Variants in NCOA1 observed in about 807,000 individuals in gnomAD.
The protein encoded by NCOA1 is nuclear receptor coactivator 1.
NCOA1 carries 35 observed loss-of-function variants against 150.9 expected under a neutral mutation model. The observed-to-expected ratio is 0.23, with a 90% CI of 0.18 to 0.31. The LOEUF is 0.31. NCOA1 is among the 10% of genes least tolerant of loss of function. The pLI is 1.00. For synonymous variants in NCOA1, 590 were observed against 630.0 expected (o/e 0.94, Z 0.95); for missense variants, 1,491 against 1,749.3 (o/e 0.85, Z 2.63).
At chr2:24,652,339 A>AT (rs1347190182) in intron 4 of NCOA1, among the ~76,000 whole-genome samples, 2 of 152,002 alleles carry the variant, frequency 1.3e-5, no homozygotes, top group East Asian at 1.9e-4. Flanking sequence ...TTTGAGAAAC[A>AT]TTTTTTTGGA....
intron 2 of NCOA1, among the ~76,000 whole-genome samples, chr2:24,569,144 T>A (rs540526611): frequency 1.3e-5 from 2 of 152,044 alleles, no homozygotes; most frequent in Non-Finnish European, 2.9e-5. Flanking sequence ...CATGATTTAG[T>A]GTTGAAGAAA....
chr2:24,597,436 C>T (rs1311332048), intron 3 of NCOA1, among the ~76,000 whole-genome samples: 1 of 151,854 alleles, frequency 6.6e-6, no homozygotes, highest in Non-Finnish European at 1.5e-5. Context: ...CTGGAGAATA[C>T]TGTATTGGCC....
chr2:24,709,767 G>A (rs1431225702), intron 13 of NCOA1, among the ~76,000 whole-genome samples: 1 of 152,166 alleles, frequency 6.6e-6, no homozygotes. Context: ...GCCAAAAACT[G>A]GAAGCAACCC....
At chr2:24,554,414 AAG>A (rs1238263534) in intron 1 of NCOA1, 1 of 152,132 alleles carries the variant, frequency 6.6e-6, no homozygotes, top group East Asian at 1.9e-4. Context: ...AGGCAAGAGA[AAG>A]AGAAAGGAAA....
chr2:24,569,614 G>A (rs1265675990), intron 2 of NCOA1, among the ~76,000 whole-genome samples: 1 of 118,034 alleles, frequency 8.5e-6, no homozygotes, highest in African/African-American at 3.3e-5. Flanking sequence ...GCTCAGGCCT[G>A]TAATCCTAGC....
At chr2:24,657,357 ATGAAGAAGGAAGAGACAATCT>A (rs1238150562) in intron 4 of NCOA1, among the ~76,000 whole-genome samples, 2 of 152,258 alleles carry the variant, frequency 1.3e-5, no homozygotes, top group East Asian at 1.9e-4. Context: ...GTATCTGGGA[ATGAAGAAGGAAGAGACAATCT>A]TGTTAAGGAA....
chr2:24,721,345 G>A (rs941369189), intron 14 of NCOA1, among the ~76,000 whole-genome samples: 1 of 152,026 alleles, frequency 6.6e-6, no homozygotes, highest in African/African-American at 2.4e-5. Context: ...CATTAAAGTT[G>A]CTTTCTTTCT....
At chr2:24,618,737 GT>G (rs1219890845) in intron 3 of NCOA1, among the ~76,000 whole-genome samples, 1 of 151,638 alleles carries the variant, frequency 6.6e-6, no homozygotes, top group Non-Finnish European at 1.5e-5. Flanking sequence ...TCAATAAACA[GT>G]TCATTGGTTT....
intron 3 of NCOA1, among the ~76,000 whole-genome samples, chr2:24,604,820 A>C (rs917260080): frequency 6.6e-6 from 1 of 152,176 alleles, no homozygotes; most frequent in Admixed American, 6.5e-5. Context: ...TTGCACTCAC[A>C]ACTTGGCTGA....
chr2:24,663,316 G>T (rs943312559), intron 5 of NCOA1, among the ~76,000 whole-genome samples: 2 of 152,046 alleles, frequency 1.3e-5, no homozygotes, highest in Non-Finnish European at 2.9e-5. Flanking sequence ...CTGAGTTCAT[G>T]TATCTTGTTC....
At chr2:24,516,435 G>T (rs1403271464) in intron 1 of NCOA1, among the ~76,000 whole-genome samples, 5 of 151,288 alleles carry the variant, frequency 3.3e-5, no homozygotes, top group Non-Finnish European at 5.9e-5. Context: ...CTCATGATCT[G>T]CTAGCCTCGG....
chr2:24,570,043 G>A (rs1468120369), intron 2 of NCOA1, among the ~76,000 whole-genome samples: 4 of 146,142 alleles, frequency 2.7e-5, no homozygotes, highest in African/African-American at 1.0e-4. Flanking sequence ...AGCTTTAAGT[G>A]GTATATACTT....
At chr2:24,671,837 T>C (rs1052046121) in intron 6 of NCOA1, among the ~76,000 whole-genome samples, 1 of 152,214 alleles carries the variant, frequency 6.6e-6, no homozygotes, top group Non-Finnish European at 1.5e-5. Context: ...GTGCTGGGAT[T>C]ACAGACGTGA....
intron 2 of NCOA1, among the ~76,000 whole-genome samples, chr2:24,572,451 G>T (rs1322706293): frequency 6.6e-6 from 1 of 152,124 alleles, no homozygotes; most frequent in East Asian, 1.9e-4. Flanking sequence ...TTAGCCAATT[G>T]CAAAGGACGT....
chr2:24,629,770 T>C (rs1401305958), intron 3 of NCOA1, among the ~76,000 whole-genome samples: 3 of 145,628 alleles, frequency 2.1e-5, no homozygotes, highest in Non-Finnish European at 4.5e-5. Flanking sequence ...TCAAACACTT[T>C]CATGTTGTTT....
At chr2:24,660,982 A>T (rs1490433892) in intron 5 of NCOA1, among the ~76,000 whole-genome samples, 1 of 151,748 alleles carries the variant, frequency 6.6e-6, no homozygotes, top group Non-Finnish European at 1.5e-5. Context: ...AATCACTTGA[A>T]CCCGGGAGGT....
At position 24,607,189 on chromosome 2, in the gene NCOA1, GT is replaced by G. The variant is rs397976699; in HGVS notation, c.-175+22643del. 9.3e-3 allele frequency among the ~76,000 whole-genome samples: 1,303 copies of G among 139,402 alleles called. 8 individuals are homozygous for G. Among genetic ancestry groups the G allele is most frequent in the Middle Eastern group, 0.022 (6 of 276 alleles). The allele number at this position is 139,402 out of a possible 152,430, so 91.5% of individuals were successfully genotyped here. ...GAATGTGAACAGTGAGGGGTACTGT[GT>G]TTTTTTTTTTTTTGAGTCTATTTGA... On this transcript the variant is annotated intron_variant, in intron 3 of 22. Transcript: ENST00000348332.
chr2:24,616,547 G>C (rs1668878751), intron 3 of NCOA1, among the ~76,000 whole-genome samples: 1 of 152,022 alleles, frequency 6.6e-6, no homozygotes, highest in African/African-American at 2.4e-5. Context: ...ATGATATCGG[G>C]GATTATAGGA....
chr2:24,715,885 G>A (rs1405579191), intron 14 of NCOA1, among the ~76,000 whole-genome samples: 1 of 152,190 alleles, frequency 6.6e-6, no homozygotes, highest in African/African-American at 2.4e-5. Context: ...GCTCACGCCT[G>A]TAATCCCAGC....
Sources: gnomAD v4.1 joint callset for allele counts (sites outside exome capture counted in the v4.1 genomes callset) on GRCh38, gnomAD v4.1.1 for gene constraint, MANE v1.5 for transcripts, NCBI Gene and HGNC (gene_info 2026-07-23, HGNC 2026-07-21) for gene names.